MACROD2: variants seen among roughly 807,000 people sequenced by gnomAD.
MACROD2 encodes the protein ADP-ribose glycohydrolase MACROD2.
MACROD2 carries 36 observed loss-of-function variants against 70.4 expected under a neutral mutation model. The ratio of observed to expected loss-of-function variants is 0.51; its 90% confidence interval spans 0.39 to 0.68. The LOEUF is 0.68. MACROD2 is among the 30% of genes least tolerant of loss of function. The probability of loss-of-function intolerance (pLI) is 0.00; values close to 1 mark genes in which losing one functional copy is unlikely to be tolerated. For synonymous variants in MACROD2, 172 were observed against 178.8 expected (o/e 0.96, Z 0.30); for missense variants, 496 against 538.4 (o/e 0.92, Z 0.78).
At chr20:14,054,311 CAGGTGGATGGGGGA>C (rs940247698) in intron 2 of MACROD2, among the ~76,000 whole-genome samples, 20 of 151,726 alleles carry the variant, frequency 1.3e-4, no homozygotes, top group African/African-American at 4.4e-4. Flanking sequence ...ATTCCAAAAG[CAGGTGGATGGGGGA>C]GCTCCAAGAG....
intron 3 of MACROD2, among the ~76,000 whole-genome samples, chr20:14,186,220 ATTAG>A (rs1569196861): frequency 6.6e-6 from 1 of 152,194 alleles, no homozygotes; most frequent in South Asian, 2.1e-4. Flanking sequence ...CACAAATAAA[ATTAG>A]TTGTTACCAG....
At chr20:14,537,577 G>A (rs374061340) in intron 4 of MACROD2, among the ~76,000 whole-genome samples, 14 of 152,112 alleles carry the variant, frequency 9.2e-5, no homozygotes, top group African/African-American at 3.4e-4. Context: ...GTGTGTATAG[G>A]AACCAGATAG....
intron 7 of MACROD2, among the ~76,000 whole-genome samples, chr20:15,476,217 T>C (rs1338967266): frequency 6.6e-6 from 1 of 152,246 alleles, no homozygotes; most frequent in Non-Finnish European, 1.5e-5. Flanking sequence ...ACCTTTAGAA[T>C]ACATTAAATA....
chr20:15,525,280 C>T (rs2047706816), intron 8 of MACROD2, among the ~76,000 whole-genome samples: 1 of 150,870 alleles, frequency 6.6e-6, no homozygotes, highest in Admixed American at 6.6e-5. Flanking sequence ...TAGAATCCCA[C>T]TAAGAGCCCC....
At chr20:14,118,499 A>G (rs904027416) in intron 3 of MACROD2, among the ~76,000 whole-genome samples, 18 of 152,222 alleles carry the variant, frequency 1.2e-4, no homozygotes, top group Non-Finnish European at 1.9e-4. Context: ...TTTCTAGAAC[A>G]CTAAACCATT....
At chr20:14,855,857 C>T (rs1380080943) in intron 5 of MACROD2, among the ~76,000 whole-genome samples, 3 of 151,956 alleles carry the variant, frequency 2.0e-5, no homozygotes, top group African/African-American at 7.3e-5. Flanking sequence ...TCTAAAATAA[C>T]AAGTAATCTC....
At chr20:14,621,715 T>A (rs945542509) in intron 4 of MACROD2, 6 of 152,182 alleles carry the variant, frequency 3.9e-5, no homozygotes, top group Admixed American at 6.5e-5. Flanking sequence ...GTGTTTTGCA[T>A]GTACAAAAAG....
intron 4 of MACROD2, among the ~76,000 whole-genome samples, chr20:14,545,132 G>GAGAAGCC (rs1468368734): frequency 1.3e-5 from 2 of 152,130 alleles, no homozygotes; most frequent in African/African-American, 4.8e-5. Context: ...TAAATGTAGG[G>GAGAAGCC]AGAAGCCTGT....
intron 2 of MACROD2, among the ~76,000 whole-genome samples, chr20:14,046,655 G>C (rs2053479339): frequency 6.6e-6 from 1 of 152,002 alleles, no homozygotes; most frequent in Admixed American, 6.6e-5. Context: ...ATTGTGATCT[G>C]TCTCTGTACG....
intron 3 of MACROD2, among the ~76,000 whole-genome samples, chr20:14,241,480 G>A (rs1005901167): frequency 1.3e-5 from 2 of 151,964 alleles, no homozygotes; most frequent in Admixed American, 6.6e-5. Context: ...AACAGACATG[G>A]AAACACGTAC....
chr20:14,798,495 A>G (rs1356852484), intron 5 of MACROD2, among the ~76,000 whole-genome samples: 2 of 152,056 alleles, frequency 1.3e-5, no homozygotes, highest in African/African-American at 4.8e-5. Context: ...TGGCAGTTAT[A>G]TAATTGATCA....
intron 8 of MACROD2, among the ~76,000 whole-genome samples, chr20:15,747,562 T>G (rs982522976): frequency 2.6e-5 from 4 of 152,194 alleles, no homozygotes; most frequent in Non-Finnish European, 5.9e-5. Context: ...GTTATGTTTA[T>G]TTTAATGTGT....
intron 5 of MACROD2, among the ~76,000 whole-genome samples, chr20:15,042,951 G>A (rs1021874323): frequency 6.6e-6 from 1 of 152,288 alleles, no homozygotes; most frequent in Admixed American, 6.5e-5. Flanking sequence ...AAGCTCAATG[G>A]TTTAGGTGTT....
At chr20:14,111,876 A>G (rs1019824315) in intron 3 of MACROD2, among the ~76,000 whole-genome samples, 1 of 152,046 alleles carries the variant, frequency 6.6e-6, no homozygotes, top group Non-Finnish European at 1.5e-5. Flanking sequence ...AAGAAAGGAA[A>G]TTGGTATATT....
intron 4 of MACROD2, among the ~76,000 whole-genome samples, chr20:14,590,161 A>T (rs1308832429): frequency 6.6e-6 from 1 of 152,154 alleles, no homozygotes; most frequent in Non-Finnish European, 1.5e-5. Flanking sequence ...ATGTTACCCA[A>T]ACTGGAATGC....
intron 13 of MACROD2, among the ~76,000 whole-genome samples, chr20:15,980,069 G>A (rs1186625653): frequency 1.6e-4 from 24 of 152,342 alleles, no homozygotes; most frequent in Non-Finnish European, 2.9e-5. Context: ...CAGGGGGTAC[G>A]TGGCAGGGGC....
chr20:15,502,307 T>C (rs905461923), intron 8 of MACROD2, among the ~76,000 whole-genome samples: 13 of 152,182 alleles, frequency 8.5e-5, no homozygotes, highest in South Asian at 4.2e-4. Flanking sequence ...GAGAGAACCA[T>C]AGGAGAAAAG....
rs149084560 is a variant in MACROD2 at position 14,198,576 on chromosome 20, A to G, written c.271+112848A>G. On this transcript the variant is annotated intron_variant, in intron 3 of 17. Coordinates refer to ENST00000684519, the MANE Select transcript of MACROD2 (RefSeq NM_001351661.2). ...AAGAAATAGACCTTTTCCATAGTCT[A>G]TGTTAATAAACCCAGGTCATCAATC... Among the ~76,000 whole-genome samples, 19 of 152,340 alleles carry G rather than the reference A, an allele frequency of 1.2e-4. No individual in the cohort carries two copies. In the East Asian group the frequency reaches 3.3e-3, roughly 26 times the overall value.
chr20:14,519,808 A>G (rs1306224055), intron 4 of MACROD2, among the ~76,000 whole-genome samples: 1 of 152,216 alleles, frequency 6.6e-6, no homozygotes, highest in Non-Finnish European at 1.5e-5. Context: ...AAGACATAGA[A>G]TCAGCCTAAA....
Sources: gnomAD v4.1 joint callset for allele counts (sites outside exome capture counted in the v4.1 genomes callset) on GRCh38, gnomAD v4.1.1 for gene constraint, MANE v1.5 for transcripts, NCBI Gene and HGNC (gene_info 2026-07-23, HGNC 2026-07-21) for gene names.